LGI2: variants seen among roughly 807,000 people sequenced by gnomAD.
LGI2 encodes leucine rich repeat LGI family member 2.
In LGI2, 30 loss-of-function variants were observed where a neutral mutation model predicts 52.0. The observed-to-expected ratio is 0.58, with a 90% CI of 0.43 to 0.78. The LOEUF (loss-of-function observed/expected upper bound fraction) is 0.78, where lower values mean the gene tolerates loss of function less well. Among genes scored for constraint, LGI2 ranks in the 30% least tolerant of loss-of-function variants. The pLI, the probability that LGI2 is intolerant of heterozygous loss-of-function variation, is 0.00. For missense variants in LGI2, 573 were observed against 692.5 expected (o/e 0.83, Z 1.94); for synonymous variants, 270 against 271.8 (o/e 0.99, Z 0.06).
chr4:25,004,809 G>A lies in LGI2; in HGVS notation c.821-541C>T, dbSNP rs1049753354. Among the ~76,000 whole-genome samples, 6 of 152,068 alleles carry A rather than the reference G, an allele frequency of 3.9e-5. No individual in the cohort carries two copies. Among genetic ancestry groups the A allele is most frequent in the Non-Finnish European group, 8.8e-5 (6 of 68,024 alleles). On this transcript the variant is annotated intron_variant, in intron 7 of 7. Transcript: ENST00000382114. The surrounding 1 kb of genome is among the most constrained non-coding windows in gnomAD (Gnocchi z 4.6). The stretch of plus-strand genomic sequence containing the variant: ...GTTGCTTATAAGCCACTCAGTCTAC[G>A]GTATTCTGTTGCAGCAGCCCAAACA...
intron 1 of LGI2, 77 bp downstream of exon 1, chr4:25,030,420 C>G: frequency 1.4e-6 from 2 of 1,477,092 alleles, no homozygotes; most frequent in African/African-American, 1.4e-5. Flanking sequence ...GCTGGCCCGG[C>G]GCCAGAGGCA....
chr4:25,025,024 CA>C (rs1269716436), intron 3 of LGI2, 133 bp from the exon 4 acceptor site: 19 of 603,274 alleles, frequency 3.1e-5, no homozygotes, highest in Non-Finnish European at 4.5e-5. Flanking sequence ...AAGACTAGGT[CA>C]GCTACACCAA....
chr4:24,996,133 G>A (rs1725070517), downstream of LGI2, among the ~76,000 whole-genome samples: 2 of 152,172 alleles, frequency 1.3e-5, no homozygotes, highest in South Asian at 4.1e-4. Flanking sequence ...TTAATAGTAT[G>A]ACTATTTGGT....
At chr4:24,996,458 A>G (rs6849078), downstream of LGI2, among the ~76,000 whole-genome samples, 16,169 of 152,240 alleles carry the variant, frequency 0.11, 1,009 homozygotes, top group Admixed American at 0.15. Flanking sequence ...AGAAATAAAA[A>G]TATTTGTAAG....
intron 7 of LGI2, among the ~76,000 whole-genome samples, chr4:25,005,111 A>C (rs562869899): frequency 5.9e-4 from 89 of 151,202 alleles, no homozygotes; most frequent in African/African-American, 2.2e-3. Context: ...ACAGAAAGGC[A>C]AAGAGTGGTT....
chr4:25,012,222 C>G, intron 7 of LGI2, 113 bp downstream of exon 7: 1 of 1,217,278 alleles, frequency 8.2e-7, no homozygotes, highest in Non-Finnish European at 1.2e-6. Context: ...TTCCCCAGCT[C>G]TAACCAGGTT....
chr4:25,022,407 A>C (rs1342214912), intron 4 of LGI2, among the ~76,000 whole-genome samples: 1 of 152,134 alleles, frequency 6.6e-6, no homozygotes, highest in African/African-American at 2.4e-5. Flanking sequence ...TTCTGAAGAC[A>C]CTCAGAGAAA....
intron 7 of LGI2, among the ~76,000 whole-genome samples, chr4:25,011,432 T>C (rs1161045356): frequency 6.6e-6 from 1 of 151,648 alleles, no homozygotes; most frequent in Admixed American, 6.6e-5. Flanking sequence ...GTTGTACATC[T>C]CACACCGAGA....
intron 6 of LGI2, among the ~76,000 whole-genome samples, chr4:25,013,098 A>T (rs1222155327): frequency 1.3e-5 from 2 of 152,220 alleles, no homozygotes; most frequent in Non-Finnish European, 2.9e-5. Flanking sequence ...GGTACACTGA[A>T]CATTGGAAAC....
At chr4:25,013,056 C>T (rs1725641522) in intron 6 of LGI2, among the ~76,000 whole-genome samples, 1 of 152,204 alleles carries the variant, frequency 6.6e-6, no homozygotes, top group South Asian at 2.1e-4. Context: ...AACCCCACTG[C>T]ACGTTCAGAA....
chr4:25,028,668 C>T, intron 1 of LGI2, 90 bp from the exon 2 acceptor site: 3 of 1,067,818 alleles, frequency 2.8e-6, no homozygotes, highest in East Asian at 2.6e-5. Flanking sequence ...TCCACCTGTA[C>T]TTCAAACCCT....
intron 7 of LGI2, among the ~76,000 whole-genome samples, chr4:25,005,988 G>A (rs367757133): frequency 2.6e-5 from 4 of 152,226 alleles, no homozygotes; most frequent in East Asian, 1.9e-4. Context: ...CATGGCAAGC[G>A]TTTTTAGCAT....
At chr4:25,012,984 C>G (rs1725639270) in intron 6 of LGI2, among the ~76,000 whole-genome samples, 1 of 152,194 alleles carries the variant, frequency 6.6e-6, no homozygotes, top group Non-Finnish European at 1.5e-5. Context: ...GCTTCTCAAA[C>G]TTACCTGACC....
chr4:24,996,218 A>C (rs1725073182), downstream of LGI2, among the ~76,000 whole-genome samples: 1 of 152,200 alleles, frequency 6.6e-6, no homozygotes, highest in Non-Finnish European at 1.5e-5. Context: ...TTCAGGTTAC[A>C]TTCACACTCC....
intron 4 of LGI2, among the ~76,000 whole-genome samples, chr4:25,023,474 C>T (rs964456444): frequency 6.6e-5 from 10 of 152,226 alleles, no homozygotes; most frequent in Non-Finnish European, 1.3e-4. Context: ...TCTCCTTACC[C>T]GATAGGCTTT....
chr4:25,014,859 G>A (rs867970262), intron 6 of LGI2, among the ~76,000 whole-genome samples: 7 of 135,348 alleles, frequency 5.2e-5, no homozygotes, highest in African/African-American at 1.1e-4. Flanking sequence ...AAAAAAGAGA[G>A]AGAGAGAGAG....
At chr4:25,017,960 C>A in intron 6 of LGI2, 29 bp downstream of exon 6, 1 of 1,552,038 alleles carries the variant, frequency 6.4e-7, no homozygotes. Context: ...TTCTAAATAT[C>A]CGTGTCTGAT....
At chr4:24,994,406 C>T (rs1275651758), downstream of LGI2, among the ~76,000 whole-genome samples, 1 of 152,174 alleles carries the variant, frequency 6.6e-6, no homozygotes, top group Admixed American at 6.5e-5. Flanking sequence ...TTGATTCCTA[C>T]TCCTGATGTT....
chr4:24,999,825 G>T lies in LGI2; in HGVS notation c.*3626C>A, dbSNP rs1254516125. The T allele has an allele frequency of 2.2e-6, 1 of 456,080 alleles. No individual in the cohort carries two copies. Among genetic ancestry groups the T allele is most frequent in the Non-Finnish European group, 4.4e-6 (1 of 226,952 alleles). 28.3% of individuals were successfully genotyped at this position (456,080 alleles called of 1,614,324 possible). The stretch of plus-strand genomic sequence containing the variant: ...GCCATTTCCAGTGTGCTTCCTGAAG[G>T]CTGATGACGGCCGAGAGCAATTCAT... On this transcript the variant is annotated 3_prime_UTR_variant, in exon 8 of 8. Transcript: ENST00000382114.
Sources: gnomAD v4.1 joint callset for allele counts (sites outside exome capture counted in the v4.1 genomes callset) on GRCh38, gnomAD v4.1.1 for gene constraint, Gnocchi (gnomAD v3.1) non-coding constraint, MANE v1.5 for transcripts, NCBI Gene and HGNC (gene_info 2026-07-23, HGNC 2026-07-21) for gene names.